GNB1: variants seen among roughly 807,000 people sequenced by gnomAD.
The protein encoded by GNB1 is guanine nucleotide-binding protein G(I)/G(S)/G(T) subunit beta-1.
GNB1 carries 2 observed loss-of-function variants against 42.9 expected under a neutral mutation model. That is an observed-to-expected ratio of 0.05 (90% CI 0.02 to 0.15). The LOEUF is 0.15. GNB1 is among the 10% of genes least tolerant of loss of function. GNB1 has a pLI of 1.00. For missense variants in GNB1, 193 were observed against 462.2 expected, an observed-to-expected ratio of 0.42 and a Z score of 5.34; for synonymous variants, 183 against 174.7, an observed-to-expected ratio of 1.05 and a Z score of -0.38.
intron 1 of GNB1, among the ~76,000 whole-genome samples, chr1:1,873,955 T>C (rs975300673): frequency 2.0e-5 from 3 of 152,176 alleles, no homozygotes; most frequent in East Asian, 1.9e-4. Flanking sequence ...AGGGAACGCA[T>C]ACCTGCCTCT....
intron 1 of GNB1, among the ~76,000 whole-genome samples, chr1:1,867,517 T>C (rs1167896807): frequency 6.6e-6 from 1 of 152,254 alleles, no homozygotes; most frequent in Non-Finnish European, 1.5e-5. Flanking sequence ...TTTTGAGCAT[T>C]GTCTGTCTTA....
At chr1:1,789,403 G>T (rs1646450458) in intron 9 of GNB1, 134 bp from the exon 10 acceptor site, 1 of 635,250 alleles carries the variant, frequency 1.6e-6, no homozygotes, top group South Asian at 1.8e-5. Flanking sequence ...GGTAAGAACA[G>T]AGGGCTGGGC....
chr1:1,816,938 T>A (rs1646865443), intron 4 of GNB1, among the ~76,000 whole-genome samples: 1 of 152,094 alleles, frequency 6.6e-6, no homozygotes, highest in Non-Finnish European at 1.5e-5. Flanking sequence ...ATTTTTTTAA[T>A]AAGGTGAAGT....
chr1:1,794,168 C>T (rs1646517089), intron 7 of GNB1: 1 of 152,152 alleles, frequency 6.6e-6, no homozygotes, highest in African/African-American at 2.4e-5. Context: ...TCCTAAACAA[C>T]TTCCAAAATG....
chr1:1,786,200 T>C lies in GNB1; in HGVS notation c.*863A>G, dbSNP rs559850838. The stretch of plus-strand genomic sequence containing the variant: ...CTTGAAAACAGAGGTTCCTCCTAGT[T>C]GGGGGTGGGGTAGTGTTAGGCTATT... On this transcript the variant is annotated 3_prime_UTR_variant, in exon 12 of 12. Transcript: ENST00000378609. 1.4e-4 allele frequency: 54 copies of C among 397,414 alleles called. 1 individual carries two copies. In the East Asian group the frequency reaches 1.7e-3, roughly 12 times the overall value. 24.6% of individuals were successfully genotyped at this position (397,414 alleles called of 1,614,324 possible).
intron 1 of GNB1, among the ~76,000 whole-genome samples, chr1:1,880,819 G>A (rs557597813): frequency 1.4e-4 from 22 of 152,174 alleles, no homozygotes; most frequent in African/African-American, 5.1e-4. Context: ...GAGTCACTAC[G>A]TCAGCATTTA....
rs776262309 is a variant in GNB1 at position 1,804,576 on chromosome 1, G to A, written c.273C>T (p.His91=). The change falls in exon 7 of 12, where the codon CAC becomes CAT. Residue 91 remains histidine, a synonymous_variant. Coordinates refer to ENST00000378609, the MANE Select transcript of GNB1 (RefSeq NM_002074.5). ...CCCAGGAGGAGCGCAGAGGGATGGC[G>A]TGGACCTAATGACAGAAAGACAGAT... ...IWDSYTTNKV[H]AIPLRSSWVM... is the part of the protein sequence containing the mutation. 6.3e-6 allele frequency: 10 copies of A among 1,591,020 alleles called. No individual in the cohort carries two copies. The highest frequency in any genetic ancestry group is 1.7e-4 in the Middle Eastern group (1 of 5,990).
intron 1 of GNB1, among the ~76,000 whole-genome samples, chr1:1,884,392 A>G (rs778601380): frequency 1.1e-4 from 17 of 151,918 alleles, no homozygotes; most frequent in Admixed American, 2.0e-4. Context: ...TTGTATTTTC[A>G]GTAGAGACAG....
intron 2 of GNB1, among the ~76,000 whole-genome samples, chr1:1,832,984 T>C (rs758279044): frequency 2.6e-5 from 4 of 152,304 alleles, no homozygotes; most frequent in Non-Finnish European, 4.4e-5. Flanking sequence ...CTATGACGTG[T>C]ACCTTTGACT....
intron 2 of GNB1, among the ~76,000 whole-genome samples, chr1:1,835,474 T>C (rs979832242): frequency 6.6e-6 from 1 of 152,228 alleles, no homozygotes; most frequent in Admixed American, 6.5e-5. Flanking sequence ...TATGACTTGC[T>C]ATGAAAGCAG....
chr1:1,806,442 G>GT, intron 6 of GNB1, 33 bp downstream of exon 6: 2 of 1,432,184 alleles, frequency 1.4e-6, no homozygotes, highest in Non-Finnish European at 2.0e-6. Flanking sequence ...TCCTGGGTTG[G>GT]TTTTTCAAGG....
intron 1 of GNB1, among the ~76,000 whole-genome samples, chr1:1,859,225 T>C (rs1291243392): frequency 1.3e-5 from 2 of 152,128 alleles, no homozygotes; most frequent in African/African-American, 2.4e-5. Context: ...TTTCACAATG[T>C]TGGCCAGGCT....
intron 2 of GNB1, among the ~76,000 whole-genome samples, chr1:1,833,614 C>T (rs1003361810): frequency 6.6e-6 from 1 of 152,132 alleles, no homozygotes; most frequent in Non-Finnish European, 1.5e-5. Flanking sequence ...AGACAGAAGA[C>T]AAACAGGTAA....
Position 1,785,752 on chromosome 1 carries a change from T to A in GNB1, c.*1311A>T. On this transcript the variant is annotated 3_prime_UTR_variant, in exon 12 of 12. Coordinates refer to ENST00000378609, the MANE Select transcript of GNB1 (RefSeq NM_002074.5). ...AGGCTCTTCACTCCCTCTCCCTCCC[T>A]CTCTCTCCCTCCCCACCCTCAGAAT... 1 of 294,644 alleles carries A rather than the reference T, an allele frequency of 3.4e-6. No individual in the cohort carries two copies. The highest frequency in any genetic ancestry group is 6.2e-6 in the Non-Finnish European group (1 of 161,116). The allele number at this position is 294,644 out of a possible 1,614,324, so 18.3% of individuals were successfully genotyped here.
intron 5 of GNB1, among the ~76,000 whole-genome samples, chr1:1,809,475 C>T (rs1646746645): frequency 6.6e-6 from 1 of 152,192 alleles, no homozygotes. Context: ...TTAAAGCAAA[C>T]TTCTCAATCC....
At chr1:1,841,620 A>T (rs543918938) in intron 1 of GNB1, among the ~76,000 whole-genome samples, 1 of 152,228 alleles carries the variant, frequency 6.6e-6, no homozygotes, top group Non-Finnish European at 1.5e-5. Context: ...ACATGCACAC[A>T]TCTAGTCTGG....
chr1:1,835,246 C>T (rs1647129679), intron 2 of GNB1, among the ~76,000 whole-genome samples: 1 of 152,294 alleles, frequency 6.6e-6, no homozygotes. Flanking sequence ...AGCAGAGTGA[C>T]GCTTCATGGC....
At position 1,840,924 on chromosome 1, in the gene GNB1, G is replaced by A. The variant is rs539640057; in HGVS notation, c.-95-1686C>T. On this transcript the variant is annotated intron_variant, in intron 1 of 11. Coordinates refer to ENST00000378609, the MANE Select transcript of GNB1 (RefSeq NM_002074.5). ...TTTTTATTTTTGAGACAGCAGTCTC[G>A]CTCTGTCACCAGGCTGGAGTGCAGT... 3.3e-5 allele frequency among the ~76,000 whole-genome samples: 5 copies of A among 152,236 alleles called. No individual in the cohort carries two copies. The East Asian group carries it at 9.6e-4, about 29-fold the overall frequency.
At chr1:1,832,387 T>A (rs1647089024) in intron 2 of GNB1, 1 of 152,172 alleles carries the variant, frequency 6.6e-6, no homozygotes, top group Non-Finnish European at 1.5e-5. Flanking sequence ...GCCCGTCTAA[T>A]CCACTAAGAC....
Sources: gnomAD v4.1 joint callset for allele counts (sites outside exome capture counted in the v4.1 genomes callset) on GRCh38, gnomAD v4.1.1 for gene constraint, MANE v1.5 for transcripts, NCBI Gene and HGNC (gene_info 2026-07-23, HGNC 2026-07-21) for gene names.